Variants in CCDC93 observed in about 807,000 individuals in gnomAD.
CCDC93 encodes the protein CCC complex scaffolding subunit CCDC93, also known as coiled-coil domain-containing protein 93.
Under a neutral mutation model 108.2 loss-of-function variants are expected in CCDC93, and 61 were observed. The ratio of observed to expected loss-of-function variants is 0.56; its 90% CI spans 0.46 to 0.70. The LOEUF is 0.70. Among genes scored for constraint, CCDC93 ranks in the 30% least tolerant of loss-of-function variants. CCDC93 has a pLI of 0.00. For missense variants in CCDC93, 685 were observed against 764.2 expected, an observed-to-expected ratio of 0.90 and a Z score of 1.22; for synonymous variants, 276 against 260.4, an observed-to-expected ratio of 1.06 and a Z score of -0.58.
At position 117,939,948 on chromosome 2, in the gene CCDC93, T is replaced by C. The variant is rs1361184182; in HGVS notation, c.1523-837A>G. ...GGCCAAGACGATGCAGGACTTAGTA[T>C]TGTGTATTTAGGATTCTAAAGATTA... On this transcript the variant is annotated intron_variant, in intron 19 of 23. Transcript: ENST00000376300. Among the ~76,000 whole-genome samples the C allele has an allele frequency of 3.9e-5, 6 of 152,316 alleles. No homozygotes were observed. In the South Asian group the frequency reaches 6.2e-4, roughly 16 times the overall value.
At chr2:117,949,195 C>T in intron 14 of CCDC93, 127 bp downstream of exon 14, 2 of 661,254 alleles carry the variant, frequency 3.0e-6, no homozygotes, top group South Asian at 1.8e-5. Flanking sequence ...GTAAAATGAT[C>T]TGACCTGCAG....
intron 1 of CCDC93, chr2:118,009,050 T>G (rs992871109): frequency 1.3e-5 from 2 of 159,184 alleles, no homozygotes; most frequent in Non-Finnish European, 1.4e-5. Context: ...AACAAGGTTT[T>G]ATGGTGTTTT....
At chr2:117,952,169 T>C (rs1446129246) in intron 13 of CCDC93, among the ~76,000 whole-genome samples, 1 of 151,380 alleles carries the variant, frequency 6.6e-6, no homozygotes, top group Non-Finnish European at 1.5e-5. Context: ...ACTAAGGGAC[T>C]AGAATGTGCA....
Position 117,996,187 on chromosome 2 carries a change from C to T in CCDC93, c.462+77G>A, listed in dbSNP as rs190698574. ...GAATGTAGGGGAGCCTGAGCTTACT[C>T]TGCTCCTTGCTAGAGAGTCTCTTAA... On this transcript the variant is annotated intron_variant, in intron 5 of 23. Transcript: ENST00000376300. 279 of 960,292 alleles carry T rather than the reference C, an allele frequency of 2.9e-4. 3 individuals carry two copies. In the African/African-American group the frequency reaches 3.8e-3, roughly 13 times the overall value. The allele number at this position is 960,292 out of a possible 1,614,324, so 59.5% of individuals were successfully genotyped here.
chr2:118,006,679 G>A (rs1446280829), intron 3 of CCDC93, 43 bp downstream of exon 3: 1 of 1,187,516 alleles, frequency 8.4e-7, no homozygotes, highest in South Asian at 1.2e-5. Context: ...TCAAAAGTTA[G>A]TTCCCTTCTC....
At chr2:117,929,282 A>G (rs1298404314) in intron 23 of CCDC93, among the ~76,000 whole-genome samples, 1 of 152,194 alleles carries the variant, frequency 6.6e-6, no homozygotes, top group African/African-American at 2.4e-5. Flanking sequence ...ATATGCAAAA[A>G]CATATTTCAT....
At chr2:117,960,842 G>A (rs147842495) in intron 11 of CCDC93, among the ~76,000 whole-genome samples, 2 of 152,246 alleles carry the variant, frequency 1.3e-5, no homozygotes, top group East Asian at 3.9e-4. Context: ...TACATGACAT[G>A]TGATATCACT....
At position 117,917,856 on chromosome 2, in the gene CCDC93, G is replaced by C. The variant is rs1677734700; in HGVS notation, c.*2487C>G. ...AGCCCCCAACCCAGAGGCTGGCGGA[G>C]ATTCCACAGCACTGGGCAGCCTGCC... On this transcript the variant is annotated 3_prime_UTR_variant, in exon 24 of 24. Transcript: ENST00000376300. 1 of 152,372 alleles carries C rather than the reference G, an allele frequency of 6.6e-6. No homozygotes were observed. The highest frequency in any genetic ancestry group is 1.5e-5 in the Non-Finnish European group (1 of 68,166). The allele number at this position is 152,372 out of a possible 1,614,324, so 9.4% of individuals were successfully genotyped here.
chr2:118,005,134 T>C lies in CCDC93; in HGVS notation c.251+1588A>G, dbSNP rs575699678. On this transcript the variant is annotated intron_variant, in intron 3 of 23. Transcript: ENST00000376300. ...CAGTGTCTTTTAGATTTCAGAAATA[T>C]AGACAAGGAATTGAGAAGACATAGA... is the stretch of plus-strand genomic sequence containing the variant. Among the ~76,000 whole-genome samples the C allele has an allele frequency of 9.9e-5, 15 of 152,102 alleles. No homozygotes were observed. The South Asian group carries it at 2.7e-3, about 27-fold the overall frequency.
intron 11 of CCDC93, among the ~76,000 whole-genome samples, chr2:117,962,256 C>G (rs1038958728): frequency 6.6e-6 from 1 of 152,192 alleles, no homozygotes; most frequent in African/African-American, 2.4e-5. Context: ...GGTCACTAAG[C>G]TGACAATAAT....
chr2:117,972,684 T>C (rs1385336569), intron 11 of CCDC93, among the ~76,000 whole-genome samples: 2 of 152,140 alleles, frequency 1.3e-5, no homozygotes, highest in Admixed American at 1.3e-4. Context: ...CTCACACTCT[T>C]GCCATTCAGA....
chr2:117,972,912 A>G (rs1679809367), intron 11 of CCDC93, among the ~76,000 whole-genome samples: 1 of 152,142 alleles, frequency 6.6e-6, no homozygotes, highest in Non-Finnish European at 1.5e-5. Flanking sequence ...CATGTTAAGA[A>G]ACACTTACTT....
chr2:117,921,376 C>G (rs1677865067), intron 23 of CCDC93, among the ~76,000 whole-genome samples: 1 of 152,112 alleles, frequency 6.6e-6, no homozygotes, highest in African/African-American at 2.4e-5. Context: ...CTAACTGCGC[C>G]TCCTGCCCTT....
intron 17 of CCDC93, among the ~76,000 whole-genome samples, chr2:117,945,151 C>G (rs1305399942): frequency 6.6e-6 from 1 of 152,220 alleles, no homozygotes; most frequent in East Asian, 1.9e-4. Context: ...TCTGCTGAGT[C>G]TGGTATATAG....
chr2:118,007,366 G>A (rs1261086071), intron 2 of CCDC93, among the ~76,000 whole-genome samples: 1 of 152,200 alleles, frequency 6.6e-6, no homozygotes, highest in African/African-American at 2.4e-5. Flanking sequence ...GACACAGCTT[G>A]ATATTAGAAA....
chr2:117,935,422 C>G, intron 22 of CCDC93, 73 bp downstream of exon 22: 1 of 1,092,842 alleles, frequency 9.2e-7, no homozygotes, highest in Non-Finnish European at 1.4e-6. Context: ...CCAGAAGAGG[C>G]CTTTTCTTCC....
chr2:117,985,592 T>G (rs1680293927), intron 7 of CCDC93: 1 of 161,020 alleles, frequency 6.2e-6, no homozygotes, highest in South Asian at 2.0e-4. Flanking sequence ...TTCATTTTCC[T>G]AGTTAGGACA....
intron 23 of CCDC93, chr2:117,921,784 C>G (rs977925530): frequency 2.0e-5 from 3 of 151,860 alleles, no homozygotes; most frequent in African/African-American, 7.3e-5. Context: ...CTACAGGATT[C>G]AGATGTGTCC....
chr2:117,963,042 G>A (rs562221436), intron 11 of CCDC93, among the ~76,000 whole-genome samples: 3 of 152,272 alleles, frequency 2.0e-5, no homozygotes, highest in East Asian at 3.9e-4. Context: ...AGTATCCCCA[G>A]GTGCTTGGCA....
Sources: allele counts gnomAD v4.1 joint callset (sites outside exome capture counted in the v4.1 genomes callset), GRCh38; gene constraint gnomAD v4.1.1; transcripts MANE v1.5; gene names NCBI Gene and HGNC (gene_info 2026-07-23, HGNC 2026-07-21).